KCTD14: variants seen among roughly 807,000 people sequenced by gnomAD.
KCTD14 encodes BTB/POZ domain-containing protein KCTD14.
Under a neutral mutation model 5.9 loss-of-function variants are expected in KCTD14, and 7 were observed. The observed-to-expected ratio is 1.19, with a 90% confidence interval of 0.68 to 2.23. The LOEUF (loss-of-function observed/expected upper bound fraction) is 2.23. KCTD14 is among the 30% of genes most tolerant of loss of function. The probability of loss-of-function intolerance (pLI) is 0.00; values close to 1 mark genes in which losing one functional copy is unlikely to be tolerated. For missense variants in KCTD14, 342 were observed against 332.2 expected (o/e 1.03, Z -0.23); for synonymous variants, 140 against 133.1 (o/e 1.05, Z -0.36).
At chr11:78,038,637 AC>A (rs764519318) in intron 2 of KCTD14, 1 of 1,535,106 alleles carries the variant, frequency 6.5e-7, no homozygotes, top group South Asian at 1.2e-5. Context: ...AGACACCTGG[AC>A]CCAAGAGAGG....
At chr11:78,033,555 A>C (rs1384999668) in intron 2 of KCTD14, among the ~76,000 whole-genome samples, 1 of 151,922 alleles carries the variant, frequency 6.6e-6, no homozygotes, top group East Asian at 1.9e-4. Flanking sequence ...GGTGGCAGGC[A>C]CCTGTAGTCC....
chr11:78,029,980 T>C (rs1304383337), intron 2 of KCTD14, among the ~76,000 whole-genome samples: 2 of 152,014 alleles, frequency 1.3e-5, no homozygotes, highest in East Asian at 1.9e-4. Context: ...GAGACAGGGT[T>C]TCACCGTGTT....
At chr11:78,031,549 T>C (rs10793273) in intron 2 of KCTD14, among the ~76,000 whole-genome samples, 47,276 of 148,650 alleles carry the variant, frequency 0.32, 8,196 homozygotes, top group South Asian at 0.43. Context: ...TGGCTAATTT[T>C]TGTATTTTTT....
At chr11:78,037,501 C>T (rs1174147518) in intron 2 of KCTD14, among the ~76,000 whole-genome samples, 1 of 152,174 alleles carries the variant, frequency 6.6e-6, no homozygotes, top group African/African-American at 2.4e-5. Flanking sequence ...AAGAAGGGAC[C>T]TCCTGCTGAG....
chr11:78,016,934 G>A lies in KCTD14; in HGVS notation c.427C>T (p.Pro143Ser). 6.2e-7 allele frequency: 1 copy of A among 1,614,208 alleles called. No individual in the cohort carries two copies. The highest frequency in any genetic ancestry group is 1.1e-5 in the South Asian group (1 of 91,084). Residue 143 changes from proline to serine, a missense_variant, in exon 2 of 2, where the codon CCG (proline) becomes TCG (serine). Physicochemically the swap from Pro to Ser is moderately conservative, Grantham distance 74. Coordinates refer to ENST00000353172, the MANE Select transcript of KCTD14 (RefSeq NM_023930.4). Reference sequence around the variant, plus strand: ...AGCTCCAGGTTCTCGCTGTAGCCCGGCACTTGCAGCAAAAACTGCTTCCGA... The same window carrying A: ...AGCTCCAGGTTCTCGCTGTAGCCCGACACTTGCAGCAAAAACTGCTTCCGA... ...VSRKQFLLQV[P>S]GYSENLELMV...
chr11:78,024,161 G>C (rs927309893), upstream of KCTD14, among the ~76,000 whole-genome samples: 5 of 151,984 alleles, frequency 3.3e-5, no homozygotes, highest in Admixed American at 6.6e-5. Flanking sequence ...AAAGCGGACA[G>C]ATCATTTGAG....
chr11:78,023,138 A>G, intron 1 of KCTD14, 22 bp downstream of exon 1: 1 of 1,472,578 alleles, frequency 6.8e-7, no homozygotes. Flanking sequence ...AGGCGCGGGG[A>G]CGCAGCTAGC....
upstream of KCTD14, among the ~76,000 whole-genome samples, chr11:78,026,080 T>C (rs988479997): frequency 4.6e-5 from 7 of 152,190 alleles, no homozygotes; most frequent in African/African-American, 1.4e-4. Flanking sequence ...AACCTCAGGA[T>C]GTCCTCAGGT....
intron 2 of KCTD14, among the ~76,000 whole-genome samples, chr11:78,028,792 T>G (rs1857539743): frequency 6.6e-6 from 1 of 151,854 alleles, no homozygotes; most frequent in Non-Finnish European, 1.5e-5. Flanking sequence ...AATACAAAAA[T>G]TAACTGGGTA....
In KCTD14 at chr11:78,039,375, T is replaced by C. The variant is rs868490823; in HGVS notation, c.-95-617A>G. Among the ~76,000 whole-genome samples, 4 of 147,966 alleles carry C rather than the reference T, an allele frequency of 2.7e-5. No homozygotes were observed. In the East Asian group the frequency reaches 7.9e-4, roughly 29 times the overall value. ...CTACAAAAAATACAAAAAAAATAAATAAAATTAGCCAGGTGTGGTGGTGTG... is the reference window on the plus strand; with the variant it reads ...CTACAAAAAATACAAAAAAAATAAACAAAATTAGCCAGGTGTGGTGGTGTG... On this transcript the variant is annotated intron_variant, in intron 1 of 2. Coordinates refer to the KCTD14 transcript ENST00000533144.
chr11:78,040,128 G>A (rs369537084), intron 1 of KCTD14, among the ~76,000 whole-genome samples: 143 of 152,266 alleles, frequency 9.4e-4, no homozygotes, highest in African/African-American at 3.3e-3. Context: ...ACAGACTTCC[G>A]GGGCTGCAGG....
At chr11:78,033,964 T>C (rs1257760260) in intron 2 of KCTD14, among the ~76,000 whole-genome samples, 4 of 149,636 alleles carry the variant, frequency 2.7e-5, no homozygotes, top group Non-Finnish European at 4.4e-5. Flanking sequence ...TTTGCAACGG[T>C]AATTTCTGGA....
chr11:78,037,144 A>G (rs1295797951), intron 2 of KCTD14, among the ~76,000 whole-genome samples: 1 of 152,204 alleles, frequency 6.6e-6, no homozygotes, highest in Admixed American at 6.5e-5. Flanking sequence ...AGAGGGGCCA[A>G]TCAGTAAAAC....
At chr11:78,028,623 A>C (rs993582568) in intron 2 of KCTD14, among the ~76,000 whole-genome samples, 3 of 139,046 alleles carry the variant, frequency 2.2e-5, no homozygotes, top group Non-Finnish European at 3.1e-5. Flanking sequence ...AAAAAAAAGC[A>C]GCCTGAGGGG....
intron 2 of KCTD14, among the ~76,000 whole-genome samples, chr11:78,029,277 C>G (rs1346806883): frequency 3.3e-5 from 5 of 151,812 alleles, no homozygotes; most frequent in South Asian, 4.2e-4. Context: ...GCCCAGATAA[C>G]TAGTGACTAT....
At chr11:78,020,823 GC>G (rs1565309849) in intron 1 of KCTD14, among the ~76,000 whole-genome samples, 2 of 152,118 alleles carry the variant, frequency 1.3e-5, no homozygotes, top group Admixed American at 6.6e-5. Context: ...CCAACATCCT[GC>G]CCCCCTACTG....
chr11:78,021,958 C>T (rs771529259), intron 1 of KCTD14, among the ~76,000 whole-genome samples: 6 of 152,342 alleles, frequency 3.9e-5, no homozygotes, highest in Admixed American at 1.3e-4. Flanking sequence ...ACTTGGCCAT[C>T]CGCACTCCTT....
chr11:78,019,788 A>G (rs748522130), intron 1 of KCTD14, among the ~76,000 whole-genome samples: 9 of 152,226 alleles, frequency 5.9e-5, no homozygotes, highest in Non-Finnish European at 1.3e-4. Context: ...TGGTTGTTCA[A>G]CAAAACTTTT....
In KCTD14 at chr11:78,031,196, C is replaced by G. The variant is rs150340657; in HGVS notation, c.-1+7468G>C. Among the ~76,000 whole-genome samples the G allele has an allele frequency of 3.1e-3, 468 of 150,728 alleles. 1 individual carries two copies. Among genetic ancestry groups the G allele is most frequent in the African/African-American group, 0.011 (436 of 41,040 alleles). On this transcript the variant is annotated intron_variant, in intron 2 of 2. Transcript: ENST00000533144. ...TAGCCTCCCAAGTAGCTGGGATTAC[C>G]GCTAACACCCAGCTAATTTTTTTTA...
Sources: allele counts gnomAD v4.1 joint callset (sites outside exome capture counted in the v4.1 genomes callset), GRCh38; gene constraint gnomAD v4.1.1; transcripts MANE v1.5; gene names NCBI Gene and HGNC (gene_info 2026-07-23, HGNC 2026-07-21).